DHFR2: variants seen among roughly 807,000 people sequenced by gnomAD.
DHFR2 encodes dihydrofolate reductase 2, mitochondrial.
Under a neutral mutation model 12.0 loss-of-function variants are expected in DHFR2, and 11 were observed. That is an observed-to-expected ratio of 0.92 (90% CI 0.58 to 1.52). The LOEUF is 1.52. Among genes scored for constraint, DHFR2 ranks in the 40% most tolerant of loss-of-function variants. The pLI is 0.00. For synonymous variants in DHFR2, 87 were observed against 79.6 expected, an observed-to-expected ratio of 1.09 and a Z score of -0.49; for missense variants, 188 against 221.2, an observed-to-expected ratio of 0.85 and a Z score of 0.95.
Position 94,061,185 on chromosome 3 carries a change from T to G in DHFR2, c.327A>C (p.Lys109Asn), listed in dbSNP as rs765904381. 1.4e-5 allele frequency: 23 copies of G among 1,614,038 alleles called. No homozygotes were observed. Among genetic ancestry groups the G allele is most frequent in the Non-Finnish European group, 1.9e-5 (23 of 1,179,878 alleles). ...KLTERPELAN[K>N]VDMIWIVGGS... is the part of the protein sequence containing the mutation. ...CACCAACTATCCAAATCATGTCTAC[T>G]TTATTTGCTAATTCTGGTCGTTCAG... Residue 109 changes from lysine to asparagine, a missense_variant, in exon 2 of 2, where the codon AAA (lysine) becomes AAC (asparagine). Transcript: ENST00000314636.
In DHFR2 at chr3:94,061,270, TTGAGTTCTCTGCTGAGAACTA is replaced by T; in HGVS notation, c.221_241del (p.Leu74_Lys81delinsTer). ...AAAATGAGCTCCTTGTGGAGGTTCCTTGAGTTCTCTGCTGAGAACTAAATTAATTCTATCCTTTAAAGGTCG... is the reference window on the plus strand; with the variant it reads ...AAAATGAGCTCCTTGTGGAGGTTCCTAATTAATTCTATCCTTTAAAGGTCG... On this transcript the variant is annotated stop_gained and inframe_deletion, in exon 2 of 2. Coordinates refer to ENST00000314636, the MANE Select transcript of DHFR2 (RefSeq NM_176815.5). LOFTEE classifies it high-confidence loss of function. 1 of 1,614,012 alleles carries T rather than the reference TTGAGTTCTCTGCTGAGAACTA, an allele frequency of 6.2e-7. No individual in the cohort carries two copies.
At position 94,061,063 on chromosome 3, in the gene DHFR2, G is replaced by GA. The variant is rs559621227; in HGVS notation, c.448dup (p.Ser150PhefsTer4). ...TTTATATTTCTCCAAGTCAATTTCT[G>GA]AAAAAAACGTGTCACTTTCAAAGTC... is the stretch of plus-strand genomic sequence containing the variant. On this transcript the variant is annotated frameshift_variant, in exon 2 of 2. Coordinates refer to ENST00000314636, the MANE Select transcript of DHFR2 (RefSeq NM_176815.5). LOFTEE classifies it high-confidence loss of function. The GA allele has an allele frequency of 1.3e-3, 2,140 of 1,613,758 alleles. 1 individual carries two copies. Among genetic ancestry groups the GA allele is most frequent in the Non-Finnish European group, 1.7e-3 (2,018 of 1,179,804 alleles).
rs746478761 is a variant in DHFR2 at position 94,061,156 on chromosome 3, C to T, written c.356G>A (p.Ser119Asn). The T allele has an allele frequency of 1.9e-6, 3 of 1,613,946 alleles. No homozygotes were observed. The highest frequency in any genetic ancestry group is 2.5e-6 in the Non-Finnish European group (3 of 1,179,868). The change falls in exon 2 of 2, where the codon AGT (serine) becomes AAT (asparagine). Residue 119 changes from serine (S) to asparagine (N), a missense_variant. Ser to Asn is a conservative substitution (Grantham distance 46). Transcript: ENST00000314636. ...KVDMIWIVGG[S>N]SVYKEAMNHL... ...ATTCATGGCTTCCTTATAAACAGAA[C>T]TGCCACCAACTATCCAAATCATGTC...
intron 1 of DHFR2, 43 bp from the exon 2 acceptor site, chr3:94,061,649 A>G: frequency 7.7e-7 from 1 of 1,305,596 alleles, no homozygotes. Context: ...TAATTGCAAC[A>G]TTCTGGAATG....
chr3:94,062,574 C>A (rs1035208922), intron 1 of DHFR2, among the ~76,000 whole-genome samples, 172 bp downstream of exon 1: 2 of 152,318 alleles, frequency 1.3e-5, no homozygotes, highest in African/African-American at 2.4e-5. Flanking sequence ...TACAACATAA[C>A]CCCAAAACTC....
chr3:94,060,695 A>G lies in DHFR2; in HGVS notation c.*253T>C. The G allele has an allele frequency of 1.9e-6, 1 of 517,998 alleles. No individual in the cohort carries two copies. The highest frequency in any genetic ancestry group is 2.5e-5 in the South Asian group (1 of 40,406). The allele number at this position is 517,998 out of a possible 1,614,324, so 32.1% of individuals were successfully genotyped here. A position where few individuals can be genotyped will look rare whatever the true frequency, so the allele number is the denominator to read the frequency against. ...TGTCAAGGAGTGGCAAGAGTGCCAC[A>G]TGTGATGGGTGTGGAATGGCAGCTC... On this transcript the variant is annotated 3_prime_UTR_variant, in exon 2 of 2. Coordinates refer to ENST00000314636, the MANE Select transcript of DHFR2 (RefSeq NM_176815.5).
chr3:94,063,229 A>C (rs1277796342), upstream of DHFR2: 37 of 1,268,360 alleles, frequency 2.9e-5, no homozygotes, highest in Non-Finnish European at 4.3e-5. Flanking sequence ...GGGATGGGGG[A>C]ACATCACCTT....
rs2077162554 is a variant in DHFR2, at chr3:94,059,803, C to G, written c.*1145G>C. 2 of 152,180 alleles carry G rather than the reference C, an allele frequency of 1.3e-5. No homozygotes were observed. The highest frequency in any genetic ancestry group is 1.3e-4 in the Admixed American group (2 of 15,278). The allele number at this position is 152,180 out of a possible 1,614,324, so 9.4% of individuals were successfully genotyped here. On this transcript the variant is annotated 3_prime_UTR_variant, in exon 2 of 2. Coordinates refer to ENST00000314636, the MANE Select transcript of DHFR2 (RefSeq NM_176815.5). The stretch of plus-strand genomic sequence containing the variant: ...ATCTGCCAAGTGCAGTGGCTGATGC[C>G]TGTAATCCCAGCACCCCTGAAGGCC...
rs887595889 is a variant in DHFR2, at chr3:94,062,845, G to A, written c.-195C>T. Reference sequence around the variant, plus strand: ...ACGCCGACCAATCCAAGTAGCGAAAGTCGCTTTGGCCCTGGCCCGTTACCT... The same window carrying A: ...ACGCCGACCAATCCAAGTAGCGAAAATCGCTTTGGCCCTGGCCCGTTACCT... On this transcript the variant is annotated 5_prime_UTR_variant, in exon 1 of 2. Coordinates refer to ENST00000314636, the MANE Select transcript of DHFR2 (RefSeq NM_176815.5). 42 of 437,732 alleles carry A rather than the reference G, an allele frequency of 9.6e-5. No homozygotes were observed. The highest frequency in any genetic ancestry group is 7.3e-4 in the African/African-American group (37 of 50,556). 27.1% of individuals were successfully genotyped at this position (437,732 alleles called of 1,614,324 possible). A position where few individuals can be genotyped will look rare whatever the true frequency, so the allele number is the denominator to read the frequency against.
chr3:94,058,722 GTTTT>G lies in DHFR2; in HGVS notation c.*2222_*2225del, dbSNP rs869127858. 7.4e-6 allele frequency: 1 copy of G among 134,870 alleles called. No individual in the cohort carries two copies. The highest frequency in any genetic ancestry group is 1.6e-5 in the Non-Finnish European group (1 of 62,924). 8.4% of individuals were successfully genotyped at this position (134,870 alleles called of 1,614,324 possible). A position where few individuals can be genotyped will look rare whatever the true frequency, so the allele number is the denominator to read the frequency against. On this transcript the variant is annotated 3_prime_UTR_variant, in exon 2 of 2. Coordinates refer to ENST00000314636, the MANE Select transcript of DHFR2 (RefSeq NM_176815.5). Reference sequence around the variant, plus strand: ...ATTGCCTAACCAACCCTTCCCCCTTGTTTTTTTTTGTTTTTTTTTTTTTTTACTT... The same window carrying G: ...ATTGCCTAACCAACCCTTCCCCCTTGTTTTTGTTTTTTTTTTTTTTTACTT...
chr3:94,060,829 C>A lies in DHFR2; in HGVS notation c.*119G>T. 1 of 1,140,404 alleles carries A rather than the reference C, an allele frequency of 8.8e-7. No homozygotes were observed. The highest frequency in any genetic ancestry group is 1.2e-6 in the Non-Finnish European group (1 of 810,862). 70.6% of individuals were successfully genotyped at this position (1,140,404 alleles called of 1,614,324 possible). ...CCAAGATTAGTGAGGAATAAAAACACGTTGCTTAGAAATAATTATCCATAG... is the reference window on the plus strand; with the variant it reads ...CCAAGATTAGTGAGGAATAAAAACAAGTTGCTTAGAAATAATTATCCATAG... On this transcript the variant is annotated 3_prime_UTR_variant, in exon 2 of 2. Coordinates refer to ENST00000314636, the MANE Select transcript of DHFR2 (RefSeq NM_176815.5).
rs1446948752 is a variant in DHFR2, at chr3:94,058,269, A to G, written c.*2679T>C. The G allele has an allele frequency of 6.6e-6, 1 of 152,146 alleles. No homozygotes were observed. Among genetic ancestry groups the G allele is most frequent in the Non-Finnish European group, 1.5e-5 (1 of 68,014 alleles). 9.4% of individuals were successfully genotyped at this position (152,146 alleles called of 1,614,324 possible). A position where few individuals can be genotyped will look rare whatever the true frequency, so the allele number is the denominator to read the frequency against. On this transcript the variant is annotated 3_prime_UTR_variant, in exon 2 of 2. Transcript: ENST00000314636. ...TCTGGTAGTTACCTCCATGGGTTTT[A>G]AAAAATTACTATTTTTTTAGTTTTT...
At chr3:94,061,864 T>C (rs927830455) in intron 1 of DHFR2, among the ~76,000 whole-genome samples, 9 of 152,018 alleles carry the variant, frequency 5.9e-5, no homozygotes, top group East Asian at 1.9e-4. Context: ...ATCTAAATTC[T>C]AATAAGATGC....
rs1327293132 is a variant in DHFR2, at chr3:94,059,154, C to T, written c.*1794G>A. The T allele has an allele frequency of 6.6e-6, 1 of 152,088 alleles. No homozygotes were observed. Among genetic ancestry groups the T allele is most frequent in the Non-Finnish European group, 1.5e-5 (1 of 68,026 alleles). 9.4% of individuals were successfully genotyped at this position (152,088 alleles called of 1,614,324 possible). On this transcript the variant is annotated 3_prime_UTR_variant, in exon 2 of 2. Coordinates refer to ENST00000314636, the MANE Select transcript of DHFR2 (RefSeq NM_176815.5). Reference sequence around the variant, plus strand: ...TTTTACCTTCACCCTTGATTCTTTGCCTGAATATAGATTTATCAGTTGAAA... The same window carrying T: ...TTTTACCTTCACCCTTGATTCTTTGTCTGAATATAGATTTATCAGTTGAAA...
In DHFR2 at chr3:94,061,564, C is replaced by G; in HGVS notation, c.-53G>C. On this transcript the variant is annotated 5_prime_UTR_variant, in exon 2 of 2. Coordinates refer to ENST00000314636, the MANE Select transcript of DHFR2 (RefSeq NM_176815.5). ...TGCTGGCTACGCCAGGAAGCCAGGCCAAGAATGCCGCGAAATTCCCTTCTT... is the reference window on the plus strand; with the variant it reads ...TGCTGGCTACGCCAGGAAGCCAGGCGAAGAATGCCGCGAAATTCCCTTCTT... The G allele has an allele frequency of 6.2e-7, 1 of 1,604,760 alleles. No homozygotes were observed. The highest frequency in any genetic ancestry group is 8.5e-7 in the Non-Finnish European group (1 of 1,174,712).
rs1393675925 is a variant in DHFR2, at chr3:94,058,651, TG to T, written c.*2296del. ...CATTGTTGAGAAAAACAGCGTATGA[TG>T]CTCTTACTTCCTATCCTGTACTTCT... On this transcript the variant is annotated 3_prime_UTR_variant, in exon 2 of 2. Transcript: ENST00000314636. The T allele has an allele frequency of 6.5e-6, 1 of 153,604 alleles. No homozygotes were observed. Among genetic ancestry groups the T allele is most frequent in the Non-Finnish European group, 1.4e-5 (1 of 69,056 alleles). The allele number at this position is 153,604 out of a possible 1,614,324, so 9.5% of individuals were successfully genotyped here. A position where few individuals can be genotyped will look rare whatever the true frequency, so the allele number is the denominator to read the frequency against.
At chr3:94,062,995 A>G (rs1302551365), upstream of DHFR2, 1 of 966,084 alleles carries the variant, frequency 1.0e-6, no homozygotes, top group South Asian at 1.4e-5. Flanking sequence ...CTCGCGAGAA[A>G]TTGAAGAGGA....
In DHFR2 at chr3:94,058,796, G is replaced by A. The variant is rs1009058717; in HGVS notation, c.*2152C>T. ...CTTCTTTCCAAATGCCCCAAATCTGGCAATAACCTATTATTTTTAAGAGAA... is the reference window on the plus strand; with the variant it reads ...CTTCTTTCCAAATGCCCCAAATCTGACAATAACCTATTATTTTTAAGAGAA... On this transcript the variant is annotated 3_prime_UTR_variant, in exon 2 of 2. Transcript: ENST00000314636. 3 of 157,094 alleles carry A rather than the reference G, an allele frequency of 1.9e-5. No individual in the cohort carries two copies. Among genetic ancestry groups the A allele is most frequent in the African/African-American group, 7.3e-5 (3 of 40,980 alleles). 9.7% of individuals were successfully genotyped at this position (157,094 alleles called of 1,614,324 possible).
At chr3:94,062,092 A>AT (rs2077178912) in intron 1 of DHFR2, among the ~76,000 whole-genome samples, 1 of 152,214 alleles carries the variant, frequency 6.6e-6, no homozygotes, top group Admixed American at 6.5e-5. Flanking sequence ...GCTGCTACAA[A>AT]TGATAGTTAC....
Sources: gnomAD v4.1 joint callset for allele counts (sites outside exome capture counted in the v4.1 genomes callset) on GRCh38, gnomAD v4.1.1 for gene constraint, MANE v1.5 for transcripts, NCBI Gene and HGNC (gene_info 2026-07-23, HGNC 2026-07-21) for gene names.